The following PHACTR3 variants were observed in gnomAD, a reference collection of about 807,000 sequenced individuals.
PHACTR3 encodes protein phosphatase 1, regulatory subunit 123.
A neutral mutation model predicts 66.8 loss-of-function variants in PHACTR3; 16 were observed. That is an observed-to-expected ratio of 0.24 (90% CI 0.16 to 0.36). PHACTR3 has a LOEUF of 0.36. Ranked by LOEUF, PHACTR3 falls within the 10% of genes least tolerant of loss-of-function variation. The pLI, the probability that PHACTR3 is intolerant of heterozygous loss-of-function variation, is 1.00. For synonymous variants in PHACTR3, 323 were observed against 292.1 expected, an observed-to-expected ratio of 1.11 and a Z score of -1.08; for missense variants, 647 against 719.9, an observed-to-expected ratio of 0.90 and a Z score of 1.16.
At position 59,836,402 on chromosome 20, in the gene PHACTR3, G is replaced by C. The variant is rs1005579621; in HGVS notation, c.1329-103G>C. ...TTCTCTCCTTCCAATTTTGGGAGGC[G>C]ATCTATAGGGGTTTGCCAGCCACCT... On this transcript the variant is annotated intron_variant, in intron 8 of 12. Coordinates refer to ENST00000371015, the MANE Select transcript of PHACTR3 (RefSeq NM_080672.5). 5 of 1,063,692 alleles carry C rather than the reference G, an allele frequency of 4.7e-6. No homozygotes were observed. The Admixed American group carries it at 1.2e-4, about 26-fold the overall frequency. 65.9% of individuals were successfully genotyped at this position (1,063,692 alleles called of 1,614,324 possible).
At chr20:59,578,367 G>A (rs947533018) in intron 1 of PHACTR3, among the ~76,000 whole-genome samples, 1 of 152,200 alleles carries the variant, frequency 6.6e-6, no homozygotes, top group African/African-American at 2.4e-5. Flanking sequence ...GTGGAGGAGA[G>A]CTAGGCCAGT....
intron 1 of PHACTR3, among the ~76,000 whole-genome samples, chr20:59,592,533 A>AT (rs561821415): frequency 3.5e-4 from 54 of 152,236 alleles, no homozygotes; most frequent in East Asian, 1.9e-3. Context: ...CAATTCATTC[A>AT]TTTTTTTAAA....
chr20:59,781,142 C>G (rs187176001), intron 7 of PHACTR3, among the ~76,000 whole-genome samples: 1 of 152,220 alleles, frequency 6.6e-6, no homozygotes, highest in African/African-American at 2.4e-5. Flanking sequence ...ATGTCCCTGC[C>G]GCTGCATAGG....
chr20:59,688,505 T>A (rs2036983050), intron 1 of PHACTR3, among the ~76,000 whole-genome samples: 1 of 152,202 alleles, frequency 6.6e-6, no homozygotes, highest in South Asian at 2.1e-4. Context: ...CTGAGAATGT[T>A]GTCAGTGATC....
intron 8 of PHACTR3, among the ~76,000 whole-genome samples, chr20:59,807,610 C>A (rs551474621): frequency 6.6e-6 from 1 of 152,106 alleles, no homozygotes; most frequent in East Asian, 1.9e-4. Context: ...ATGTACTGCA[C>A]GGTTACACGC....
At chr20:59,650,792 C>T (rs150834946) in intron 1 of PHACTR3, among the ~76,000 whole-genome samples, 5 of 149,150 alleles carry the variant, frequency 3.4e-5, no homozygotes, top group African/African-American at 9.9e-5. Context: ...TGGGACAGAC[C>T]GTTGATAGTG....
chr20:59,693,065 A>G (rs542239360), intron 1 of PHACTR3, among the ~76,000 whole-genome samples: 21 of 152,316 alleles, frequency 1.4e-4, no homozygotes, highest in African/African-American at 4.6e-4. Context: ...CATTACCGTC[A>G]TGACCACCTG....
chr20:59,733,390 C>T (rs1406234023), intron 1 of PHACTR3, among the ~76,000 whole-genome samples: 2 of 152,192 alleles, frequency 1.3e-5, no homozygotes, highest in African/African-American at 4.8e-5. Flanking sequence ...AAATGCCCAG[C>T]ACTTTTTCTG....
Position 59,767,840 on chromosome 20 carries a change from T to C in PHACTR3, c.751+445T>C. Among the ~76,000 whole-genome samples, 2 of 152,064 alleles carry C rather than the reference T, an allele frequency of 1.3e-5. 1 individual carries two copies. Among genetic ancestry groups the C allele is most frequent in the Admixed American group, 1.3e-4 (2 of 15,274 alleles). ...TTTCCATTCCATTCCATTCCTTTCC[T>C]TTCCATTCCTTTCTGTTCCATTCCA... On this transcript the variant is annotated intron_variant, in intron 5 of 12. Transcript: ENST00000371015.
chr20:59,828,414 T>C (rs1453736499), intron 8 of PHACTR3, among the ~76,000 whole-genome samples: 1 of 152,268 alleles, frequency 6.6e-6, no homozygotes, highest in Non-Finnish European at 1.5e-5. Context: ...AATCCAGCCA[T>C]GCCTGGCACT....
intron 7 of PHACTR3, 71 bp from the exon 8 acceptor site, chr20:59,805,970 C>G (rs2041554162): frequency 6.6e-7 from 1 of 1,513,614 alleles, no homozygotes; most frequent in Admixed American, 2.1e-5. Flanking sequence ...GCTCCATTGA[C>G]AAGCCAGCCC....
At chr20:59,832,432 C>T (rs756264076) in intron 8 of PHACTR3, among the ~76,000 whole-genome samples, 1 of 152,154 alleles carries the variant, frequency 6.6e-6, no homozygotes, top group Non-Finnish European at 1.5e-5. Flanking sequence ...CAACTTCTTC[C>T]CCAAGTCTTG....
intron 1 of PHACTR3, among the ~76,000 whole-genome samples, chr20:59,704,562 CTT>C (rs11331156): frequency 0.12 from 11,183 of 89,600 alleles, 344 homozygotes; most frequent in South Asian, 0.15. Flanking sequence ...TGAGAATAGT[CTT>C]TTTTTTTTTT....
rs1002661870 is a variant in PHACTR3 at position 59,662,611 on chromosome 20, G to A, written c.118+57479G>A. On this transcript the variant is annotated intron_variant, in intron 1 of 12. Coordinates refer to ENST00000371015, the MANE Select transcript of PHACTR3 (RefSeq NM_080672.5). ...GAAAGTGGGATTTTATCCTTAAAAC[G>A]AAAGGGAAGAAGTTGGAGCTGTTAA... Among the ~76,000 whole-genome samples, 5 of 152,138 alleles carry A rather than the reference G, an allele frequency of 3.3e-5. No individual in the cohort carries two copies. In the East Asian group the frequency reaches 5.8e-4, roughly 18 times the overall value.
chr20:59,705,884 A>C (rs1487934940), intron 1 of PHACTR3, among the ~76,000 whole-genome samples: 1 of 152,110 alleles, frequency 6.6e-6, no homozygotes, highest in Non-Finnish European at 1.5e-5. Flanking sequence ...TTTGAGCCTG[A>C]GGAGGGACGA....
At position 59,841,382 on chromosome 20, in the gene PHACTR3, T is replaced by C; in HGVS notation, c.1447-13T>C. 3 of 1,606,946 alleles carry C rather than the reference T, an allele frequency of 1.9e-6. No homozygotes were observed. The Middle Eastern group carries it at 5.0e-4, about 270-fold the overall frequency. ...GGCATGTGATACTTAACTATGATGA[T>C]CTTTAATTTTAGCTTAATCAGAGAC... On this transcript the variant is annotated splice_polypyrimidine_tract_variant and intron_variant, in intron 10 of 12. Coordinates refer to ENST00000371015, the MANE Select transcript of PHACTR3 (RefSeq NM_080672.5).
chr20:59,772,864 G>T (rs911573124), intron 5 of PHACTR3, among the ~76,000 whole-genome samples: 2 of 152,206 alleles, frequency 1.3e-5, no homozygotes, highest in African/African-American at 4.8e-5. Context: ...TGGAACAGAT[G>T]CTGTGGGGAG....
chr20:59,814,247 A>G (rs553671380), intron 8 of PHACTR3, among the ~76,000 whole-genome samples: 39 of 152,262 alleles, frequency 2.6e-4, no homozygotes, highest in Non-Finnish European at 5.3e-4. Context: ...CACATGCTAC[A>G]GGCCCAGGAG....
At chr20:59,621,800 G>A (rs2034249952) in intron 1 of PHACTR3, among the ~76,000 whole-genome samples, 1 of 152,188 alleles carries the variant, frequency 6.6e-6, no homozygotes, top group South Asian at 2.1e-4. Flanking sequence ...GGGTGCAGAG[G>A]ACAAAGGAAG....
Sources: gnomAD v4.1 joint callset for allele counts (sites outside exome capture counted in the v4.1 genomes callset) on GRCh38, gnomAD v4.1.1 for gene constraint, MANE v1.5 for transcripts, NCBI Gene and HGNC (gene_info 2026-07-23, HGNC 2026-07-21) for gene names.